Variants in COX5A observed in about 807,000 individuals in gnomAD.
COX5A encodes cytochrome c oxidase subunit 5A, mitochondrial.
COX5A carries 6 observed loss-of-function variants against 16.1 expected under a neutral mutation model. The ratio of observed to expected loss-of-function variants is 0.37; its 90% CI spans 0.20 to 0.73. The LOEUF (loss-of-function observed/expected upper bound fraction) is 0.73. Among genes scored for constraint, COX5A ranks in the 30% least tolerant of loss-of-function variants. The probability of loss-of-function intolerance (pLI) is 0.50; values close to 1 mark genes in which losing one functional copy is unlikely to be tolerated. For missense variants in COX5A, 159 were observed against 194.9 expected, an observed-to-expected ratio of 0.82 and a Z score of 1.10; for synonymous variants, 73 against 73.8, an observed-to-expected ratio of 0.99 and a Z score of 0.06.
At chr15:74,928,889 G>A (rs973712540) in intron 2 of COX5A, among the ~76,000 whole-genome samples, 10 of 152,162 alleles carry the variant, frequency 6.6e-5, no homozygotes, top group Non-Finnish European at 1.3e-4. Context: ...ACACCCTACA[G>A]TGTAAAGGAC....
intron 1 of COX5A, among the ~76,000 whole-genome samples, chr15:74,930,859 T>C (rs549294584): frequency 1.3e-5 from 2 of 149,356 alleles, no homozygotes; most frequent in South Asian, 2.1e-4. Context: ...CTACTAAAAA[T>C]ACAAAAAATT....
chr15:74,926,695 C>A, intron 3 of COX5A, 71 bp downstream of exon 3: 1 of 1,486,330 alleles, frequency 6.7e-7, no homozygotes, highest in Non-Finnish European at 9.1e-7. Context: ...TTCAAAAATA[C>A]AGAATATTCT....
rs201496748 is a variant in COX5A, at chr15:74,930,093, CAAACAAAAACAA to C, written c.101-873_101-862del. Among the ~76,000 whole-genome samples, 240 of 146,100 alleles carry C rather than the reference CAAACAAAAACAA, an allele frequency of 1.6e-3. 1 individual carries two copies. The highest frequency in any genetic ancestry group is 7.9e-3 in the Middle Eastern group (2 of 254). ...GACTCCAACTCAAAAAACAAACAAA[CAAACAAAAACAA>C]AAACAAAAACAAAAACTAAAAAACT... On this transcript the variant is annotated intron_variant, in intron 1 of 4. Transcript: ENST00000322347.
chr15:74,933,714 C>T (rs2141274467), intron 1 of COX5A, among the ~76,000 whole-genome samples: 1 of 152,266 alleles, frequency 6.6e-6, no homozygotes, highest in South Asian at 2.1e-4. Flanking sequence ...TACCATATAA[C>T]ACAGTAATTC....
chr15:74,929,229 A>C lies in COX5A; in HGVS notation c.104T>G (p.Ile35Ser), dbSNP rs2065356177. The C allele has an allele frequency of 6.3e-7, 1 of 1,598,038 alleles. No homozygotes were observed. The highest frequency in any genetic ancestry group is 8.6e-7 in the Non-Finnish European group (1 of 1,165,588). Residue 35 changes from isoleucine (I) to serine (S), a missense_variant, in exon 2 of 5, where the codon ATC (isoleucine) becomes AGC (serine). Ile to Ser is a moderately radical substitution (Grantham distance 142). Coordinates refer to ENST00000322347, the MANE Select transcript of COX5A (RefSeq NM_004255.4). Reference protein sequence around the residue: ...SARTPGPAVAIQSVRCYSHGS... With the variant: ...SARTPGPAVASQSVRCYSHGS... ...ATGGGAATAGCAGCGAACTGACTGG[A>C]TAGCTATAATGTGAAAGAACCATAA...
intron 1 of COX5A, among the ~76,000 whole-genome samples, chr15:74,933,718 G>A (rs552581876): frequency 3.9e-5 from 6 of 152,104 alleles, no homozygotes; most frequent in Non-Finnish European, 8.8e-5. Context: ...ATATAACACA[G>A]TAATTCCACT....
chr15:74,920,352 T>C lies in COX5A; in HGVS notation c.*100A>G. ...GCTTGGTACTCAATAAAGGAAAACT[T>C]GTTCAAATAAGGTAATATGTTATCA... is the stretch of plus-strand genomic sequence containing the variant. On this transcript the variant is annotated 3_prime_UTR_variant, in exon 5 of 5. Transcript: ENST00000322347. 1.5e-6 allele frequency: 1 copy of C among 688,354 alleles called. No homozygotes were observed. Among genetic ancestry groups the C allele is most frequent in the Non-Finnish European group, 2.6e-6 (1 of 380,546 alleles). 42.6% of individuals were successfully genotyped at this position (688,354 alleles called of 1,614,324 possible).
chr15:74,934,076 A>C (rs1236634730), intron 1 of COX5A, among the ~76,000 whole-genome samples: 1 of 152,146 alleles, frequency 6.6e-6, no homozygotes, highest in Non-Finnish European at 1.5e-5. Flanking sequence ...TTGGGCAACA[A>C]AGACAGACCT....
At chr15:74,932,563 A>G (rs1467014592) in intron 1 of COX5A, among the ~76,000 whole-genome samples, 3 of 152,198 alleles carry the variant, frequency 2.0e-5, no homozygotes, top group African/African-American at 7.2e-5. Context: ...TTAATGCAGT[A>G]ACTGGCAGGA....
chr15:74,937,775 A>C, intron 1 of COX5A, 140 bp downstream of exon 1: 3 of 461,256 alleles, frequency 6.5e-6, no homozygotes, highest in Non-Finnish European at 1.0e-5. Context: ...GGCGGCGGGC[A>C]GGGCGGCCCG....
intron 1 of COX5A, among the ~76,000 whole-genome samples, chr15:74,932,207 CTATT>C (rs1043031707): frequency 1.1e-4 from 16 of 152,282 alleles, no homozygotes; most frequent in Admixed American, 9.2e-4. Context: ...TCTTAGTTGT[CTATT>C]TATAGAAATC....
At chr15:74,925,364 ATCC>A (rs1273553193) in intron 3 of COX5A, among the ~76,000 whole-genome samples, 1 of 152,056 alleles carries the variant, frequency 6.6e-6, no homozygotes, top group Non-Finnish European at 1.5e-5. Context: ...ATTAGTATAT[ATCC>A]TCCTATGTTT....
chr15:74,923,497 T>A (rs947392517), intron 4 of COX5A, 151 bp downstream of exon 4: 24 of 525,428 alleles, frequency 4.6e-5, no homozygotes, highest in Non-Finnish European at 3.7e-5. Context: ...TCTTTAAATT[T>A]ACCATTACTG....
At chr15:74,925,210 G>A (rs530182969) in intron 3 of COX5A, among the ~76,000 whole-genome samples, 1 of 151,968 alleles carries the variant, frequency 6.6e-6, no homozygotes, top group Non-Finnish European at 1.5e-5. Context: ...TGAGGCAGAA[G>A]AATTGCTTGA....
chr15:74,922,348 G>A (rs1469195004), intron 4 of COX5A, among the ~76,000 whole-genome samples: 2 of 149,392 alleles, frequency 1.3e-5, no homozygotes, highest in Non-Finnish European at 3.0e-5. Context: ...TCATGCCATT[G>A]CACTCCAGCC....
At chr15:74,921,477 C>T (rs1480197760) in intron 4 of COX5A, among the ~76,000 whole-genome samples, 1 of 151,010 alleles carries the variant, frequency 6.6e-6, no homozygotes, top group South Asian at 2.1e-4. Context: ...CACCTGTAAG[C>T]CCAGCACTTT....
At chr15:74,936,990 TTAAA>T (rs1451499750) in intron 1 of COX5A, among the ~76,000 whole-genome samples, 1 of 152,058 alleles carries the variant, frequency 6.6e-6, no homozygotes, top group Non-Finnish European at 1.5e-5. Context: ...GTTCTTATGT[TTAAA>T]TACGCATGCA....
intron 1 of COX5A, among the ~76,000 whole-genome samples, chr15:74,937,048 T>C (rs1161233521): frequency 6.6e-6 from 1 of 152,154 alleles, no homozygotes; most frequent in Non-Finnish European, 1.5e-5. Context: ...ATAATATGCA[T>C]GCATAGAAGC....
intron 3 of COX5A, 108 bp downstream of exon 3, chr15:74,926,658 A>G: frequency 8.5e-7 from 1 of 1,173,272 alleles, no homozygotes; most frequent in Non-Finnish European, 1.2e-6. Flanking sequence ...TAGTTATATA[A>G]GGACTCATTT....
Sources: gnomAD v4.1 joint callset for allele counts (sites outside exome capture counted in the v4.1 genomes callset) on GRCh38, gnomAD v4.1.1 for gene constraint, MANE v1.5 for transcripts, NCBI Gene and HGNC (gene_info 2026-07-23, HGNC 2026-07-21) for gene names.